The following CCDC34 variants were observed in gnomAD, a reference collection of about 807,000 sequenced individuals.
CCDC34 encodes the protein coiled-coil domain containing 34.
A neutral mutation model predicts 44.1 loss-of-function variants in CCDC34; 40 were observed. The ratio of observed to expected loss-of-function variants is 0.91; its 90% CI spans 0.70 to 1.18. The LOEUF (loss-of-function observed/expected upper bound fraction) is 1.18. Ranked by LOEUF, CCDC34 falls within the 50% of genes most tolerant of loss-of-function variation. The pLI, the probability that CCDC34 is intolerant of heterozygous loss-of-function variation, is 0.00. For missense variants in CCDC34, 466 were observed against 452.3 expected (o/e 1.03, Z -0.28); for synonymous variants, 159 against 158.2 (o/e 1.01, Z -0.04).
At chr11:27,362,089 T>C (rs572438465) in intron 1 of CCDC34, among the ~76,000 whole-genome samples, 17 of 152,346 alleles carry the variant, frequency 1.1e-4, no homozygotes, top group South Asian at 6.2e-4. Context: ...TTCTGAGCCA[T>C]GGTTTTATTA....
At chr11:27,345,157 C>T (rs539718812) in intron 3 of CCDC34, among the ~76,000 whole-genome samples, 4 of 152,166 alleles carry the variant, frequency 2.6e-5, no homozygotes, top group South Asian at 2.1e-4. Flanking sequence ...GAATCTTGAC[C>T]GTTAATGCAT....
chr11:27,353,518 T>C (rs1016565315), intron 2 of CCDC34, among the ~76,000 whole-genome samples: 2 of 152,044 alleles, frequency 1.3e-5, no homozygotes, highest in Non-Finnish European at 2.9e-5. Context: ...ACCAATATAC[T>C]AGTTTTTCAT....
intron 5 of CCDC34, 107 bp downstream of exon 5, chr11:27,340,589 A>G: frequency 8.7e-7 from 1 of 1,146,676 alleles, no homozygotes; most frequent in Non-Finnish European, 1.2e-6. Flanking sequence ...GGAAAATAGT[A>G]ATTTGAAAGA....
intron 2 of CCDC34, among the ~76,000 whole-genome samples, chr11:27,351,032 C>A (rs891514996): frequency 1.3e-5 from 2 of 152,128 alleles, no homozygotes; most frequent in Non-Finnish European, 2.9e-5. Context: ...CGAATCTACA[C>A]GTTTGGGCAT....
Position 27,341,496 on chromosome 11 carries a change from T to G in CCDC34, c.661A>C (p.Lys221Gln). 7.0e-7 allele frequency: 1 copy of G among 1,419,662 alleles called. No individual in the cohort carries two copies. The highest frequency in any genetic ancestry group is 9.5e-7 in the Non-Finnish European group (1 of 1,049,954). The allele number at this position is 1,419,662 out of a possible 1,614,324, so 87.9% of individuals were successfully genotyped here. ...INKEMEEKAAKELEKEYLQEK... is the reference protein window; with the variant it reads ...INKEMEEKAAQELEKEYLQEK... ...TGCAAGTATTCTTTCTCCAGTTCCTTTGCTGCTTTTTCCTCCATTTCTTTA... is the reference window on the plus strand; with the variant it reads ...TGCAAGTATTCTTTCTCCAGTTCCTGTGCTGCTTTTTCCTCCATTTCTTTA... The change falls in exon 4 of 6, where the codon AAG (lysine) becomes CAG (glutamine). Residue 221 changes from lysine to glutamine, a missense_variant. By Grantham distance (53) the Lys-to-Gln change is moderately conservative. Coordinates refer to ENST00000328697, the MANE Select transcript of CCDC34 (RefSeq NM_030771.2).
chr11:27,354,937 A>C (rs923805104), intron 2 of CCDC34, among the ~76,000 whole-genome samples: 4 of 152,212 alleles, frequency 2.6e-5, no homozygotes, highest in African/African-American at 9.6e-5. Flanking sequence ...TTATAGATGA[A>C]GAAACTGAGG....
At chr11:27,357,346 T>G (rs1862592918) in intron 2 of CCDC34, 57 bp downstream of exon 2, 6 of 1,508,932 alleles carry the variant, frequency 4.0e-6, no homozygotes, top group Non-Finnish European at 5.4e-6. Flanking sequence ...AATTTACAAC[T>G]GCAGCTCTAC....
intron 1 of CCDC34, 62 bp from the exon 2 acceptor site, chr11:27,357,603 C>T: frequency 4.6e-6 from 7 of 1,531,382 alleles, no homozygotes; most frequent in East Asian, 2.3e-5. Context: ...TAGTCCAAAT[C>T]ACTTAACTGT....
intron 2 of CCDC34, among the ~76,000 whole-genome samples, chr11:27,357,050 T>G (rs1372061091): frequency 6.6e-6 from 1 of 152,154 alleles, no homozygotes; most frequent in Non-Finnish European, 1.5e-5. Context: ...ATGTTGATGC[T>G]CCAGTGTATG....
chr11:27,354,201 A>G (rs1171658320), intron 2 of CCDC34, among the ~76,000 whole-genome samples: 3 of 152,236 alleles, frequency 2.0e-5, no homozygotes, highest in African/African-American at 7.2e-5. Flanking sequence ...GAATCACTTC[A>G]GAGTTGAGTA....
At chr11:27,350,522 C>A in intron 2 of CCDC34, 83 bp from the exon 3 acceptor site, 1 of 1,283,700 alleles carries the variant, frequency 7.8e-7, no homozygotes, top group South Asian at 1.6e-5. Context: ...GGTTATTAAC[C>A]AAATTAAACA....
intron 3 of CCDC34, among the ~76,000 whole-genome samples, chr11:27,342,396 TACAC>T (rs1181076838): frequency 6.7e-6 from 1 of 149,580 alleles, no homozygotes; most frequent in Admixed American, 6.7e-5. Context: ...TTTTTATATA[TACAC>T]ACACACATAT....
chr11:27,352,302 G>A (rs1001619805), intron 2 of CCDC34, among the ~76,000 whole-genome samples: 1 of 151,920 alleles, frequency 6.6e-6, no homozygotes, highest in Non-Finnish European at 1.5e-5. Context: ...AGACTCGCCT[G>A]AACCTGGGAG....
chr11:27,340,840 TA>T lies in CCDC34; in HGVS notation c.766-4del. On this transcript the variant is annotated splice_region_variant and splice_polypyrimidine_tract_variant and intron_variant, in intron 4 of 5. Transcript: ENST00000328697. Reference sequence around the variant, plus strand: ...GCTTGCTGTTGTTTTTCTTTTTCCTTAAAATGACAAGACCAAAATATTTCCA... The same window carrying T: ...GCTTGCTGTTGTTTTTCTTTTTCCTTAAATGACAAGACCAAAATATTTCCA... 1 of 1,610,930 alleles carries T rather than the reference TA, an allele frequency of 6.2e-7. No homozygotes were observed. The highest frequency in any genetic ancestry group is 1.1e-5 in the South Asian group (1 of 90,392).
chr11:27,348,806 A>G (rs1219700352), intron 3 of CCDC34: 9 of 514,054 alleles, frequency 1.8e-5, no homozygotes, highest in Non-Finnish European at 2.0e-5. Context: ...TCTTAAAGAA[A>G]AAAAAAAAAA....
At position 27,350,163 on chromosome 11, in the gene CCDC34, G is replaced by A. The variant is rs550723980; in HGVS notation, c.606+169C>T. On this transcript the variant is annotated intron_variant, in intron 3 of 5. Coordinates refer to ENST00000328697, the MANE Select transcript of CCDC34 (RefSeq NM_030771.2). ...AAAAGGAGAAAAGTAGAGGGCAAAG[G>A]GCAGAAGATAGAGACTTGATAAATG... 3.3e-6 allele frequency: 5 copies of A among 1,515,226 alleles called. No homozygotes were observed. The African/African-American group carries it at 5.6e-5, about 17-fold the overall frequency. The allele number at this position is 1,515,226 out of a possible 1,614,324, so 93.9% of individuals were successfully genotyped here.
Position 27,357,420 on chromosome 11 carries a change from G to C in CCDC34, c.481C>G (p.Gln161Glu), listed in dbSNP as rs1199616880. Residue 161 changes from glutamine to glutamate, a missense_variant, in exon 2 of 6, where the codon CAA (glutamine) becomes GAA (glutamate). Coordinates refer to ENST00000328697, the MANE Select transcript of CCDC34 (RefSeq NM_030771.2). ...AGTTTTACCTCTAGAGCTTTCAGTT[G>C]CAGCCGGTCACGTTCTTCTTTTTCT... The part of the protein sequence containing the change: ...GKEKEERDRL[Q>E]LKALEELNQQ... The C allele has an allele frequency of 6.2e-7, 1 of 1,613,572 alleles. No homozygotes were observed. Among genetic ancestry groups the C allele is most frequent in the Non-Finnish European group, 8.5e-7 (1 of 1,179,574 alleles).
At position 27,340,695 on chromosome 11, in the gene CCDC34, C is replaced by A. The variant is rs1862342604; in HGVS notation, c.907+1G>T. The A allele has an allele frequency of 6.2e-7, 1 of 1,606,034 alleles. No individual in the cohort carries two copies. ...GTAAGCCACACAACATAAAAACCAA[C>A]CTGTAAGTTTTCCATTGGCATAACC... On this transcript the variant is annotated splice_donor_variant, in intron 5 of 5. Transcript: ENST00000328697. LOFTEE classifies it high-confidence loss of function.
At chr11:27,358,966 C>CA (rs1208578430) in intron 1 of CCDC34, among the ~76,000 whole-genome samples, 10 of 118,890 alleles carry the variant, frequency 8.4e-5, no homozygotes, top group Non-Finnish European at 1.1e-4. Context: ...GGACCCCCCC[C>CA]CCCCACCGCC....
Sources: allele counts gnomAD v4.1 joint callset (sites outside exome capture counted in the v4.1 genomes callset), GRCh38; gene constraint gnomAD v4.1.1; transcripts MANE v1.5; gene names NCBI Gene and HGNC (gene_info 2026-07-23, HGNC 2026-07-21).